Variants in IGSF23 observed in about 807,000 individuals in gnomAD.
The protein encoded by IGSF23 is immunoglobulin superfamily, member 23.
IGSF23 carries 14 observed loss-of-function variants against 17.8 expected under a neutral mutation model. That is an observed-to-expected ratio of 0.79 (90% CI 0.52 to 1.23). IGSF23 has a LOEUF of 1.23. IGSF23 is among the 50% of genes most tolerant of loss of function. The pLI is 0.00. For missense variants in IGSF23, 214 were observed against 241.7 expected, an observed-to-expected ratio of 0.89 and a Z score of 0.76; for synonymous variants, 85 against 92.5, an observed-to-expected ratio of 0.92 and a Z score of 0.46.
At chr19:44,615,986 A>G (rs1255048573) in intron 1 of IGSF23, among the ~76,000 whole-genome samples, 1 of 152,226 alleles carries the variant, frequency 6.6e-6, no homozygotes, top group Non-Finnish European at 1.5e-5. Context: ...AGTGGTTTAC[A>G]ACATGTTTGC....
intron 2 of IGSF23, among the ~76,000 whole-genome samples, chr19:44,627,118 G>T (rs1389132282): frequency 6.6e-6 from 1 of 152,110 alleles, no homozygotes; most frequent in East Asian, 1.9e-4. Context: ...GGGCCTCGAA[G>T]GCTAAGGTGA....
chr19:44,628,822 C>G (rs543817358), intron 3 of IGSF23, among the ~76,000 whole-genome samples: 14 of 152,162 alleles, frequency 9.2e-5, no homozygotes, highest in Non-Finnish European at 1.6e-4. Context: ...AGGAGTGAGG[C>G]TGGGAAGCAG....
chr19:44,629,216 A>T (rs1972716101), intron 3 of IGSF23, among the ~76,000 whole-genome samples: 1 of 152,278 alleles, frequency 6.6e-6, no homozygotes, highest in East Asian at 1.9e-4. Flanking sequence ...CATCTGACTT[A>T]TATTTGATCC....
chr19:44,621,820 T>G (rs922121833), intron 1 of IGSF23, among the ~76,000 whole-genome samples: 4 of 152,210 alleles, frequency 2.6e-5, no homozygotes, highest in Admixed American at 6.5e-5. Flanking sequence ...TTTCTTTTCA[T>G]GTTTTGAATG....
At chr19:44,633,297 A>G (rs970263818) in intron 3 of IGSF23, among the ~76,000 whole-genome samples, 15 of 152,260 alleles carry the variant, frequency 9.9e-5, no homozygotes, top group Non-Finnish European at 2.1e-4. Flanking sequence ...CTGGAAGCTT[A>G]ACAATGGCTG....
chr19:44,635,205 T>G (rs976346223), intron 3 of IGSF23, among the ~76,000 whole-genome samples, 196 bp from the exon 4 acceptor site: 5 of 152,138 alleles, frequency 3.3e-5, no homozygotes, highest in African/African-American at 1.2e-4. Context: ...AGGATACCAG[T>G]CTTATTGGAT....
intron 1 of IGSF23, chr19:44,618,095 C>T (rs1175162819): frequency 2.1e-6 from 1 of 471,148 alleles, no homozygotes; most frequent in South Asian, 1.5e-5. Context: ...TCACATCCTG[C>T]ACCTGCTCTG....
chr19:44,636,040 C>A (rs1972882543), intron 4 of IGSF23, among the ~76,000 whole-genome samples: 1 of 152,168 alleles, frequency 6.6e-6, no homozygotes, highest in Non-Finnish European at 1.5e-5. Flanking sequence ...GCCTCTCCTT[C>A]ATGTTGTCTC....
At chr19:44,619,427 A>T (rs1237940840) in intron 1 of IGSF23, among the ~76,000 whole-genome samples, 4 of 152,180 alleles carry the variant, frequency 2.6e-5, no homozygotes, top group Non-Finnish European at 5.9e-5. Flanking sequence ...CTTCAACCTC[A>T]TCTATATTTT....
At chr19:44,631,659 T>C (rs1468151867) in intron 3 of IGSF23, among the ~76,000 whole-genome samples, 1 of 152,226 alleles carries the variant, frequency 6.6e-6, no homozygotes, top group Non-Finnish European at 1.5e-5. Context: ...TTATTAACAT[T>C]AGCATTGTTT....
In IGSF23 at chr19:44,635,431, C is replaced by T. The variant is rs774274615; in HGVS notation, c.576C>T (p.Ser192=). The change falls in exon 4 of 5, where the codon AGC becomes AGT. Residue 192 remains serine (S), a synonymous_variant. Coordinates refer to ENST00000402988, the MANE Select transcript of IGSF23 (RefSeq NM_001205280.2). ...RTDRQRIGIC[S] is the part of the protein sequence containing the mutation. ...ACAGGCAGAGAATAGGAATATGCAG[C>T]TGAAATGTGGGCAACTCTCCTGTCA... The T allele has an allele frequency of 7.1e-6, 11 of 1,549,194 alleles. No individual in the cohort carries two copies. In the Admixed American group the frequency reaches 2.0e-4, roughly 28 times the overall value.
intron 3 of IGSF23, among the ~76,000 whole-genome samples, chr19:44,629,853 T>G (rs1972730329): frequency 1.3e-5 from 2 of 151,970 alleles, no homozygotes; most frequent in South Asian, 4.2e-4. Flanking sequence ...AGGATGGTCT[T>G]GATCTCTTGA....
chr19:44,623,565 G>T, intron 1 of IGSF23, 142 bp from the exon 2 acceptor site: 1 of 888,854 alleles, frequency 1.1e-6, no homozygotes. Context: ...CACAGACCAG[G>T]CTCTTCAAAC....
In IGSF23 at chr19:44,616,557, C is replaced by T. The variant is rs577557025; in HGVS notation, c.125+2787C>T. ...CTAAAATACAAAAAAATTAGCTGGG[C>T]GTGGTGGCGCACGCCTGTAGTCCCA... On this transcript the variant is annotated intron_variant, in intron 1 of 4. Coordinates refer to ENST00000402988, the MANE Select transcript of IGSF23 (RefSeq NM_001205280.2). Among the ~76,000 whole-genome samples the T allele has an allele frequency of 2.6e-5, 4 of 151,746 alleles. No homozygotes were observed. In the South Asian group the frequency reaches 8.3e-4, roughly 32 times the overall value.
At chr19:44,626,613 G>T (rs1972653262) in intron 2 of IGSF23, among the ~76,000 whole-genome samples, 1 of 152,124 alleles carries the variant, frequency 6.6e-6, no homozygotes, top group African/African-American at 2.4e-5. Flanking sequence ...ATTATGCTTA[G>T]CTGGCCAGGT....
rs763876937 is a variant in IGSF23, at chr19:44,623,748, G to A, written c.167G>A (p.Arg56Gln). The A allele has an allele frequency of 1.5e-5, 24 of 1,550,938 alleles. No individual in the cohort carries two copies. In the Admixed American group the frequency reaches 2.9e-4, roughly 19 times the overall value. ...MPLKTFPAAI[R>Q]GVIQSELNYS... is the part of the protein sequence containing the mutation. ...CTGAAGACATTCCCAGCTGCTATCCGGGGAGTCATCCAGAGTGAGCTCAAC... is the reference window on the plus strand; with the variant it reads ...CTGAAGACATTCCCAGCTGCTATCCAGGGAGTCATCCAGAGTGAGCTCAAC... The change falls in exon 2 of 5, where the codon CGG becomes CAG. Residue 56 changes from arginine to glutamine, a missense_variant. By Grantham distance (43) the Arg-to-Gln change is conservative (BLOSUM62 1). Coordinates refer to ENST00000402988, the MANE Select transcript of IGSF23 (RefSeq NM_001205280.2).
At chr19:44,634,471 G>A (rs1972840470) in intron 3 of IGSF23, among the ~76,000 whole-genome samples, 1 of 152,160 alleles carries the variant, frequency 6.6e-6, no homozygotes, top group African/African-American at 2.4e-5. Flanking sequence ...CTGTTGATCT[G>A]GGGGGTGTAT....
At chr19:44,626,294 G>A (rs938636293) in intron 2 of IGSF23, among the ~76,000 whole-genome samples, 1 of 152,164 alleles carries the variant, frequency 6.6e-6, no homozygotes, top group African/African-American at 2.4e-5. Context: ...GGGAAAAAAT[G>A]TAAATCTTAT....
At chr19:44,626,704 G>A (rs542792617) in intron 2 of IGSF23, among the ~76,000 whole-genome samples, 4 of 152,148 alleles carry the variant, frequency 2.6e-5, no homozygotes, top group Admixed American at 2.6e-4. Context: ...TTGAGACCAC[G>A]CTGGCCAACA....
Sources: gnomAD v4.1 joint callset for allele counts (sites outside exome capture counted in the v4.1 genomes callset) on GRCh38, gnomAD v4.1.1 for gene constraint, MANE v1.5 for transcripts, NCBI Gene and HGNC (gene_info 2026-07-23, HGNC 2026-07-21) for gene names.